Variants in LMTK2 observed in about 807,000 individuals in gnomAD.
LMTK2 encodes the protein serine/threonine-protein kinase LMTK2.
LMTK2 carries 37 observed loss-of-function variants against 127.5 expected under a neutral mutation model. That is an observed-to-expected ratio of 0.29 (90% confidence interval 0.22 to 0.38). The LOEUF is 0.38. Among genes scored for constraint, LMTK2 ranks in the 10% least tolerant of loss-of-function variants. LMTK2 has a pLI of 1.00. For missense variants in LMTK2, 1,694 were observed against 1,920.3 expected (o/e 0.88, Z 2.20); for synonymous variants, 819 against 810.1 (o/e 1.01, Z -0.19).
intron 1 of LMTK2, among the ~76,000 whole-genome samples, chr7:98,131,455 TGTG>T (rs1451530797): frequency 1.3e-5 from 2 of 152,194 alleles, no homozygotes; most frequent in African/African-American, 4.8e-5. Flanking sequence ...ATTACATTCT[TGTG>T]GTGGTATTTC....
chr7:98,157,021 G>A (rs1796935213), intron 5 of LMTK2, among the ~76,000 whole-genome samples: 1 of 152,186 alleles, frequency 6.6e-6, no homozygotes, highest in Non-Finnish European at 1.5e-5. Flanking sequence ...GCTGAGGCTG[G>A]AGGATTGCTT....
rs1797747890 is a variant in LMTK2 at position 98,203,931 on chromosome 7, T to C, written c.4241-13T>C. 6 of 1,612,358 alleles carry C rather than the reference T, an allele frequency of 3.7e-6. No individual in the cohort carries two copies. The Middle Eastern group carries it at 5.0e-4, about 133-fold the overall frequency. Reference sequence around the variant, plus strand: ...AGTGATAAAAAGGGTGGGGTTTTATTTTTTATTTCTAGGTGGTGGCTTTGA... The same window carrying C: ...AGTGATAAAAAGGGTGGGGTTTTATCTTTTATTTCTAGGTGGTGGCTTTGA... On this transcript the variant is annotated splice_polypyrimidine_tract_variant and intron_variant, in intron 12 of 13. Transcript: ENST00000297293.
chr7:98,180,424 G>A (rs149444490), intron 7 of LMTK2, among the ~76,000 whole-genome samples: 17 of 152,202 alleles, frequency 1.1e-4, no homozygotes, highest in Non-Finnish European at 1.6e-4. Flanking sequence ...ATACCAGTTG[G>A]TGATTATAAA....
intron 1 of LMTK2, among the ~76,000 whole-genome samples, chr7:98,112,128 A>G (rs1304987817): frequency 6.6e-6 from 1 of 152,254 alleles, no homozygotes; most frequent in East Asian, 1.9e-4. Flanking sequence ...TAGTAGAACA[A>G]GCCCAGAGCT....
At chr7:98,139,697 C>T (rs1796648990) in intron 2 of LMTK2, among the ~76,000 whole-genome samples, 2 of 152,188 alleles carry the variant, frequency 1.3e-5, no homozygotes, top group African/African-American at 2.4e-5. Context: ...TCCTTTAATG[C>T]ACTGGAGAAC....
At chr7:98,127,635 C>T (rs1035209375) in intron 1 of LMTK2, among the ~76,000 whole-genome samples, 1 of 152,184 alleles carries the variant, frequency 6.6e-6, no homozygotes. Context: ...GGACCCCTGC[C>T]AGTGGGATTG....
chr7:98,118,523 G>A (rs1028709518), intron 1 of LMTK2, among the ~76,000 whole-genome samples: 1 of 152,068 alleles, frequency 6.6e-6, no homozygotes, highest in Non-Finnish European at 1.5e-5. Flanking sequence ...GCTTTGCTTT[G>A]CTTTTTTTTT....
At chr7:98,135,393 GCCT>G (rs1796582594) in intron 1 of LMTK2, among the ~76,000 whole-genome samples, 3 of 152,052 alleles carry the variant, frequency 2.0e-5, no homozygotes, top group Non-Finnish European at 4.4e-5. Flanking sequence ...GCTCACTGCA[GCCT>G]CCTCCTCCTG....
In LMTK2 at chr7:98,108,703, T is replaced by C. The variant is rs150885354; in HGVS notation, c.103+1423T>C. Reference sequence around the variant, plus strand: ...ATGGTGATGTTGATATTTAAAGATATTGATATTGAAAGTTAGCACTAGTAT... The same window carrying C: ...ATGGTGATGTTGATATTTAAAGATACTGATATTGAAAGTTAGCACTAGTAT... On this transcript the variant is annotated intron_variant, in intron 1 of 13. Coordinates refer to ENST00000297293, the MANE Select transcript of LMTK2 (RefSeq NM_014916.4). Among the ~76,000 whole-genome samples, 1,009 of 152,288 alleles carry C rather than the reference T, an allele frequency of 6.6e-3. 12 individuals are homozygous for C. The highest frequency in any genetic ancestry group is 0.023 in the African/African-American group (956 of 41,552).
intron 7 of LMTK2, among the ~76,000 whole-genome samples, chr7:98,184,698 T>TA (rs1797407400): frequency 6.6e-6 from 1 of 151,940 alleles, no homozygotes. Context: ...GGCACGTCCT[T>TA]AACCTTGGCA....
intron 3 of LMTK2, among the ~76,000 whole-genome samples, chr7:98,149,364 C>A (rs1341180122): frequency 6.6e-6 from 1 of 152,198 alleles, no homozygotes; most frequent in Non-Finnish European, 1.5e-5. Context: ...ACTTTGGTTG[C>A]TGTAAACCTT....
intron 5 of LMTK2, 70 bp from the exon 6 acceptor site, chr7:98,159,268 A>C: frequency 1.1e-6 from 1 of 928,090 alleles, no homozygotes; most frequent in Non-Finnish European, 1.6e-6. Flanking sequence ...TTTTATTAGT[A>C]TGCTTTTGTT....
At position 98,194,724 on chromosome 7, in the gene LMTK2, C is replaced by T. The variant is rs943510674; in HGVS notation, c.4107+152C>T. On this transcript the variant is annotated intron_variant, in intron 11 of 13. Transcript: ENST00000297293. This position sits in a 1 kb window ranked among gnomAD's most constrained non-coding sequence, Gnocchi z 5.4. ...AAGTAATTTGGGGTTGGTTAGAGTT[C>T]TAAGAATATGCAGAAATGTCATTTG... is the stretch of plus-strand genomic sequence containing the variant. 12 of 675,288 alleles carry T rather than the reference C, an allele frequency of 1.8e-5. No homozygotes were observed. Among genetic ancestry groups the T allele is most frequent in the Admixed American group, 6.0e-5 (2 of 33,244 alleles). The allele number at this position is 675,288 out of a possible 1,614,324, so 41.8% of individuals were successfully genotyped here. A position where few individuals can be genotyped will look rare whatever the true frequency, so the allele number is the denominator to read the frequency against.
chr7:98,179,271 A>C (rs1463515710), intron 7 of LMTK2, among the ~76,000 whole-genome samples: 2 of 152,372 alleles, frequency 1.3e-5, no homozygotes, highest in East Asian at 3.9e-4. Context: ...CCTGCCATCC[A>C]GGAAATGCCT....
At chr7:98,109,285 G>A (rs1218721383) in intron 1 of LMTK2, among the ~76,000 whole-genome samples, 1 of 152,148 alleles carries the variant, frequency 6.6e-6, no homozygotes, top group Non-Finnish European at 1.5e-5. Context: ...TGTAAATAGA[G>A]ATATCAAATC....
At chr7:98,113,790 A>G (rs1562893939) in intron 1 of LMTK2, among the ~76,000 whole-genome samples, 1 of 152,218 alleles carries the variant, frequency 6.6e-6, no homozygotes, top group Non-Finnish European at 1.5e-5. Context: ...AGTTATGGTA[A>G]AATTAGCATG....
rs938575324 is a variant in LMTK2 at position 98,206,109 on chromosome 7, C to A, written c.*617C>A. On this transcript the variant is annotated 3_prime_UTR_variant, in exon 14 of 14. Transcript: ENST00000297293. ...GTTTTATAGTTTGCGCTGCATGGTA[C>A]TTGTGAAGCTTAAATATTTTGAGTG... is the stretch of plus-strand genomic sequence containing the variant. The A allele has an allele frequency of 6.5e-6, 1 of 153,120 alleles. No individual in the cohort carries two copies. The highest frequency in any genetic ancestry group is 2.4e-5 in the African/African-American group (1 of 41,562). The allele number at this position is 153,120 out of a possible 1,614,324, so 9.5% of individuals were successfully genotyped here.
At chr7:98,170,905 T>C (rs1186485284) in intron 6 of LMTK2, among the ~76,000 whole-genome samples, 1 of 152,176 alleles carries the variant, frequency 6.6e-6, no homozygotes, top group Non-Finnish European at 1.5e-5. Context: ...ATTTTCCTGC[T>C]CAGGTTGCTC....
intron 1 of LMTK2, among the ~76,000 whole-genome samples, chr7:98,119,411 C>T (rs920512040): frequency 1.3e-5 from 2 of 152,152 alleles, no homozygotes; most frequent in Non-Finnish European, 2.9e-5. Context: ...ATCCTGAGCA[C>T]CACGTGTAAA....
Sources: gnomAD v4.1 joint callset for allele counts (sites outside exome capture counted in the v4.1 genomes callset) on GRCh38, gnomAD v4.1.1 for gene constraint, Gnocchi (gnomAD v3.1) non-coding constraint, MANE v1.5 for transcripts, NCBI Gene and HGNC (gene_info 2026-07-23, HGNC 2026-07-21) for gene names.